SMARCA2: variants seen among roughly 807,000 people sequenced by gnomAD.
SMARCA2 encodes the protein SWI/SNF related BAF chromatin remodeling complex subunit ATPase 2.
A neutral mutation model predicts 199.8 loss-of-function variants in SMARCA2; 61 were observed. The ratio of observed to expected loss-of-function variants is 0.31; its 90% confidence interval spans 0.25 to 0.38. The LOEUF (loss-of-function observed/expected upper bound fraction) is 0.38, where lower values mean the gene tolerates loss of function less well. SMARCA2 is among the 10% of genes least tolerant of loss of function. The pLI is 1.00. For synonymous variants in SMARCA2, 935 were observed against 732.0 expected (o/e 1.28, Z -4.48); for missense variants, 1,344 against 2,012.2 (o/e 0.67, Z 6.35).
At chr9:2,062,073 T>C (rs868766240) in intron 9 of SMARCA2, among the ~76,000 whole-genome samples, 6 of 152,290 alleles carry the variant, frequency 3.9e-5, no homozygotes, top group African/African-American at 1.4e-4. Context: ...AAAGATGTTT[T>C]CAGAGTTAGT....
intron 1 of SMARCA2, among the ~76,000 whole-genome samples, chr9:2,027,041 T>G (rs570725817): frequency 1.3e-5 from 2 of 152,354 alleles, no homozygotes; most frequent in East Asian, 3.9e-4. Context: ...GCTTCCTGTT[T>G]CAGCTCTAAT....
intron 1 of SMARCA2, among the ~76,000 whole-genome samples, chr9:2,022,468 A>G (rs1309067165): frequency 6.6e-6 from 1 of 152,178 alleles, no homozygotes; most frequent in Non-Finnish European, 1.5e-5. Context: ...GCTATTATCC[A>G]TTTTAACTGC....
At chr9:2,192,455 A>G (rs911565761) in intron 33 of SMARCA2, 3 of 502,496 alleles carry the variant, frequency 6.0e-6, no homozygotes, top group Non-Finnish European at 7.0e-6. Context: ...CTTTCAAGCC[A>G]AAGTGAAAGG....
At chr9:2,083,948 A>G (rs1042071537) in intron 16 of SMARCA2, 138 bp from the exon 17 acceptor site, 33 of 570,312 alleles carry the variant, frequency 5.8e-5, no homozygotes, top group African/African-American at 3.6e-4. Context: ...TTCCTCGTGT[A>G]TAATAGATCA....
chr9:2,184,500 C>T (rs998909517), intron 31 of SMARCA2, among the ~76,000 whole-genome samples: 1 of 151,644 alleles, frequency 6.6e-6, no homozygotes, highest in African/African-American at 2.4e-5. Context: ...TTAAGGCATG[C>T]ACCACCATGC....
intron 29 of SMARCA2, among the ~76,000 whole-genome samples, chr9:2,172,586 G>T (rs1395583588): frequency 6.6e-6 from 1 of 152,148 alleles, no homozygotes; most frequent in African/African-American, 2.4e-5. Flanking sequence ...GATGAGGCTG[G>T]AGAAGCCTGA....
chr9:2,032,118 T>A (rs574685237), intron 2 of SMARCA2, among the ~76,000 whole-genome samples: 2 of 152,364 alleles, frequency 1.3e-5, no homozygotes, highest in East Asian at 3.9e-4. Context: ...CAAACACTCA[T>A]ACTTTCTTGC....
chr9:2,058,984 C>T (rs79825622), intron 8 of SMARCA2, among the ~76,000 whole-genome samples: 4,792 of 152,016 alleles, frequency 0.032, 163 homozygotes, highest in Admixed American at 0.075. Flanking sequence ...TGAAATGTTG[C>T]CTTTTTTGTG....
chr9:2,150,414 G>A (rs554098426), intron 27 of SMARCA2, among the ~76,000 whole-genome samples: 18 of 151,668 alleles, frequency 1.2e-4, no homozygotes, highest in African/African-American at 4.1e-4. Context: ...TGAGAACAGG[G>A]GACCATTCCC....
chr9:2,128,493 A>T (rs1823795714), intron 27 of SMARCA2, among the ~76,000 whole-genome samples: 1 of 152,218 alleles, frequency 6.6e-6, no homozygotes. Flanking sequence ...ACTGTGCTAG[A>T]AGATGCAGGG....
At chr9:2,108,899 G>A (rs1225939167) in intron 23 of SMARCA2, among the ~76,000 whole-genome samples, 1 of 152,116 alleles carries the variant, frequency 6.6e-6, no homozygotes. Flanking sequence ...CACTAAACTC[G>A]AAACCTAATG....
At chr9:2,107,317 A>G (rs1822797776) in intron 23 of SMARCA2, among the ~76,000 whole-genome samples, 1 of 152,000 alleles carries the variant, frequency 6.6e-6, no homozygotes, top group Admixed American at 6.6e-5. Context: ...TATACAGTTT[A>G]TTTAATTTAA....
intron 4 of SMARCA2, chr9:2,040,400 G>A: frequency 6.0e-6 from 1 of 166,670 alleles, no homozygotes; most frequent in Non-Finnish European, 1.3e-5. Context: ...CAGCAACAAG[G>A]GAAAATAGAA....
At position 2,142,606 on chromosome 9, in the gene SMARCA2, C is replaced by T. The variant is rs562036356; in HGVS notation, c.3981+18669C>T. ...CCTCCTATAAATGTTATTTAATAGC[C>T]TGTAGAGTTGAACGTCTTCAAGCCG... On this transcript the variant is annotated intron_variant, in intron 27 of 33. Transcript: ENST00000349721. Among the ~76,000 whole-genome samples the T allele has an allele frequency of 6.6e-5, 10 of 152,238 alleles. No individual in the cohort carries two copies. The South Asian group carries it at 8.3e-4, about 13-fold the overall frequency.
Position 2,110,157 on chromosome 9 carries a change from TG to T in SMARCA2, c.3293-94del, listed in dbSNP as rs1342820037. 4.5e-6 allele frequency: 4 copies of T among 896,272 alleles called. No individual in the cohort carries two copies. Among genetic ancestry groups the T allele is most frequent in the Non-Finnish European group, 6.8e-6 (4 of 592,132 alleles). 55.5% of individuals were successfully genotyped at this position (896,272 alleles called of 1,614,324 possible). The stretch of plus-strand genomic sequence containing the variant: ...TACCTCACCAGTGTTAGGAGGAGTC[TG>T]GGTATATTTCTTGAAGGAAGCAAGC... On this transcript the variant is annotated intron_variant, in intron 23 of 33. Transcript: ENST00000349721. This position sits in a 1 kb window ranked among gnomAD's most constrained non-coding sequence, Gnocchi z 4.8.
chr9:2,081,320 T>A (rs1821557806), intron 14 of SMARCA2, among the ~76,000 whole-genome samples: 1 of 152,228 alleles, frequency 6.6e-6, no homozygotes, highest in Non-Finnish European at 1.5e-5. Flanking sequence ...ATGTGCTGTC[T>A]GGGAACTTTC....
intron 32 of SMARCA2, among the ~76,000 whole-genome samples, chr9:2,187,217 G>T (rs1383637962): frequency 1.5e-5 from 2 of 137,916 alleles, no homozygotes; most frequent in East Asian, 4.2e-4. Context: ...ATTAATTTGG[G>T]TTTTTAAAAT....
chr9:2,137,198 A>G (rs1032351751), intron 27 of SMARCA2, among the ~76,000 whole-genome samples: 1 of 152,196 alleles, frequency 6.6e-6, no homozygotes, highest in African/African-American at 2.4e-5. Flanking sequence ...AGTGTGTAAC[A>G]TTTGCAGATT....
chr9:2,054,916 G>C (rs573213322), intron 6 of SMARCA2, among the ~76,000 whole-genome samples, 193 bp downstream of exon 6: 1 of 152,248 alleles, frequency 6.6e-6, no homozygotes, highest in South Asian at 2.1e-4. Context: ...TATTATTCTG[G>C]TTTTCTCTTC....
Sources: allele counts gnomAD v4.1 joint callset (sites outside exome capture counted in the v4.1 genomes callset), GRCh38; gene constraint gnomAD v4.1.1; non-coding constraint Gnocchi (gnomAD v3.1); transcripts MANE v1.5; gene names NCBI Gene and HGNC (gene_info 2026-07-23, HGNC 2026-07-21).